PIWIL2: variants seen among roughly 807,000 people sequenced by gnomAD.
PIWIL2 encodes the protein piwi like RNA-mediated gene silencing 2.
A neutral mutation model predicts 116.5 loss-of-function variants in PIWIL2; 81 were observed. The ratio of observed to expected loss-of-function variants is 0.70; its 90% CI spans 0.58 to 0.84. The LOEUF is 0.84. PIWIL2 is among the 40% of genes least tolerant of loss of function. The pLI is 0.00. For missense variants in PIWIL2, 1,272 were observed against 1,212.3 expected (o/e 1.05, Z -0.73); for synonymous variants, 489 against 429.5 (o/e 1.14, Z -1.71).
intron 13 of PIWIL2, 94 bp from the exon 14 acceptor site, chr8:22,307,839 G>T: frequency 1.1e-6 from 1 of 921,546 alleles, no homozygotes; most frequent in East Asian, 2.6e-5. Flanking sequence ...TGATTTCAAT[G>T]GGAAAGAGAA....
In PIWIL2 at chr8:22,304,228, G is replaced by T; in HGVS notation, c.1370+19G>T. On this transcript the variant is annotated intron_variant, in intron 11 of 22. Coordinates refer to ENST00000356766, the MANE Select transcript of PIWIL2 (RefSeq NM_018068.5). ...ACTACAGGTAGCAAGAAGAGACTGG[G>T]TTTGGGCCTCAGGGTGGGGGTTGGA... 6.3e-7 allele frequency: 1 copy of T among 1,587,074 alleles called. No homozygotes were observed.
At position 22,290,139 on chromosome 8, in the gene PIWIL2, A is replaced by C. The variant is rs994875179; in HGVS notation, c.1068-94A>C. ...GAGGCTTTCTCATTACTATTAGGGA[A>C]GGGCAGTATCACCTCAATGTTTTGT... On this transcript the variant is annotated intron_variant, in intron 9 of 22. Coordinates refer to ENST00000356766, the MANE Select transcript of PIWIL2 (RefSeq NM_018068.5). The C allele has an allele frequency of 4.0e-6, 3 of 753,582 alleles. No homozygotes were observed. In the African/African-American group the frequency reaches 5.2e-5, roughly 13 times the overall value. 46.7% of individuals were successfully genotyped at this position (753,582 alleles called of 1,614,324 possible). A position where few individuals can be genotyped will look rare whatever the true frequency, so the allele number is the denominator to read the frequency against.
intron 1 of PIWIL2, among the ~76,000 whole-genome samples, chr8:22,277,650 C>A (rs770945862): frequency 3.3e-5 from 5 of 151,238 alleles, no homozygotes; most frequent in Non-Finnish European, 5.9e-5. Context: ...GGATTACAGG[C>A]ATGAACCACT....
intron 20 of PIWIL2, among the ~76,000 whole-genome samples, chr8:22,347,553 G>T (rs1563430422): frequency 1.6e-5 from 2 of 126,326 alleles, no homozygotes; most frequent in Admixed American, 2.0e-4. Context: ...TTGAGACGGA[G>T]TCCTGCTCTG....
chr8:22,281,428 G>A lies in PIWIL2; in HGVS notation c.338G>A (p.Arg113Lys). ...TCTGCTAATCTGGTACGCAAGGACA[G>A]GGAGGAACTCTCTCCCACTTTTTGG... ...GLSANLVRKDREELSPTFWDP... is the reference protein window; with the variant it reads ...GLSANLVRKDKEELSPTFWDP... Residue 113 changes from arginine to lysine, a missense_variant, in exon 4 of 23, where the codon AGG becomes AAG. Arg to Lys is a conservative substitution (Grantham distance 26). Transcript: ENST00000356766. The A allele has an allele frequency of 3.7e-6, 6 of 1,606,072 alleles. No individual in the cohort carries two copies. The highest frequency in any genetic ancestry group is 5.1e-6 in the Non-Finnish European group (6 of 1,178,322).
intron 16 of PIWIL2, among the ~76,000 whole-genome samples, chr8:22,313,334 A>G (rs2132047896): frequency 6.6e-6 from 1 of 152,288 alleles, no homozygotes; most frequent in South Asian, 2.1e-4. Flanking sequence ...CTGTGACTGG[A>G]GATATAAACC....
intron 12 of PIWIL2, among the ~76,000 whole-genome samples, chr8:22,305,497 ATTTAC>A (rs1831155134): frequency 1.3e-5 from 2 of 152,098 alleles, no homozygotes; most frequent in African/African-American, 4.8e-5. Context: ...TGGCCTAGAC[ATTTAC>A]TTTAACAGGG....
At chr8:22,320,154 G>C (rs1427205390) in intron 20 of PIWIL2, among the ~76,000 whole-genome samples, 1 of 151,844 alleles carries the variant, frequency 6.6e-6, no homozygotes, top group Non-Finnish European at 1.5e-5. Flanking sequence ...GTAGAGACAG[G>C]GTTTCGGCGT....
intron 10 of PIWIL2, among the ~76,000 whole-genome samples, chr8:22,297,179 A>G (rs889971076): frequency 1.3e-5 from 2 of 151,950 alleles, no homozygotes; most frequent in Non-Finnish European, 2.9e-5. Context: ...TCATAAAGGC[A>G]GGGTCTCACT....
intron 20 of PIWIL2, among the ~76,000 whole-genome samples, chr8:22,328,572 G>C (rs1422662842): frequency 6.6e-6 from 1 of 152,074 alleles, no homozygotes; most frequent in Non-Finnish European, 1.5e-5. Context: ...GACACAGGAT[G>C]TCTTTCTATT....
rs139365726 is a variant in PIWIL2, at chr8:22,318,507, G to T, written c.2403+232G>T. Among the ~76,000 whole-genome samples, 617 of 152,220 alleles carry T rather than the reference G, an allele frequency of 4.1e-3. 2 individuals carry two copies. Among genetic ancestry groups the T allele is most frequent in the Middle Eastern group, 0.014 (4 of 294 alleles). On this transcript the variant is annotated intron_variant, in intron 20 of 22. Transcript: ENST00000356766. ...TAATTTCTGTATTTTTAGTAGAGATGTGGTTTCACCATGTTGGCCAGGCTG... is the reference window on the plus strand; with the variant it reads ...TAATTTCTGTATTTTTAGTAGAGATTTGGTTTCACCATGTTGGCCAGGCTG...
chr8:22,295,701 C>G (rs571038287), intron 10 of PIWIL2, among the ~76,000 whole-genome samples: 14 of 152,220 alleles, frequency 9.2e-5, no homozygotes, highest in Non-Finnish European at 1.5e-5. Context: ...GTTCCCTGTT[C>G]TTATGGATCA....
At chr8:22,290,439 G>T in intron 10 of PIWIL2, 93 bp downstream of exon 10, 2 of 687,882 alleles carry the variant, frequency 2.9e-6, no homozygotes, top group Non-Finnish European at 5.1e-6. Context: ...ACATTGTTCT[G>T]TTTGTTTGTT....
chr8:22,285,996 G>A (rs969950114), intron 6 of PIWIL2, among the ~76,000 whole-genome samples: 2 of 152,176 alleles, frequency 1.3e-5, no homozygotes, highest in Non-Finnish European at 2.9e-5. Flanking sequence ...GGCTGAATTT[G>A]TGAAGGGCAG....
At chr8:22,347,887 C>T (rs910741998) in intron 20 of PIWIL2, among the ~76,000 whole-genome samples, 3 of 152,070 alleles carry the variant, frequency 2.0e-5, no homozygotes, top group Non-Finnish European at 1.5e-5. Context: ...ATCTCTTACA[C>T]TCCTCTGTTG....
At position 22,283,246 on chromosome 8, in the gene PIWIL2, T is replaced by C. The variant is rs771674445; in HGVS notation, c.632+6T>C. The C allele has an allele frequency of 6.3e-7, 1 of 1,596,414 alleles. No individual in the cohort carries two copies. The highest frequency in any genetic ancestry group is 8.6e-7 in the Non-Finnish European group (1 of 1,164,384). On this transcript the variant is annotated splice_donor_region_variant and intron_variant, in intron 5 of 22. Coordinates refer to ENST00000356766, the MANE Select transcript of PIWIL2 (RefSeq NM_018068.5). The stretch of plus-strand genomic sequence containing the variant: ...ACTGTGGAACACAAGGAAAAGTAAG[T>C]CAGGAGCACTGCCTTCTCTACTTAG...
chr8:22,302,738 C>T (rs746776973), intron 10 of PIWIL2, among the ~76,000 whole-genome samples: 1 of 151,980 alleles, frequency 6.6e-6, no homozygotes, highest in African/African-American at 2.4e-5. Flanking sequence ...TTGAAGAATG[C>T]TTTCAAAATT....
intron 13 of PIWIL2, among the ~76,000 whole-genome samples, chr8:22,306,283 C>T (rs922114434): frequency 1.3e-5 from 2 of 152,164 alleles, no homozygotes; most frequent in African/African-American, 2.4e-5. Flanking sequence ...TAAGAAGAAA[C>T]AAACAACTCT....
chr8:22,302,715 A>G (rs976440006), intron 10 of PIWIL2, among the ~76,000 whole-genome samples: 1 of 152,054 alleles, frequency 6.6e-6, no homozygotes, highest in African/African-American at 2.4e-5. Context: ...CTGCTAATGG[A>G]TTTGTGTGTA....
Sources: gnomAD v4.1 joint callset for allele counts (sites outside exome capture counted in the v4.1 genomes callset) on GRCh38, gnomAD v4.1.1 for gene constraint, MANE v1.5 for transcripts, NCBI Gene and HGNC (gene_info 2026-07-23, HGNC 2026-07-21) for gene names.